The following SP4 variants were observed in gnomAD, a reference collection of about 807,000 sequenced individuals.
SP4 encodes Sp4 transcription factor.
Under a neutral mutation model 72.8 loss-of-function variants are expected in SP4, and 19 were observed. The observed-to-expected ratio is 0.26, with a 90% CI of 0.18 to 0.38. SP4 has a LOEUF of 0.38. SP4 is among the 10% of genes least tolerant of loss of function. The pLI is 1.00. For synonymous variants in SP4, 395 were observed against 333.1 expected, an observed-to-expected ratio of 1.19 and a Z score of -2.02; for missense variants, 1,008 against 926.3, an observed-to-expected ratio of 1.09 and a Z score of -1.14.
chr7:21,458,156 C>G (rs1002136172), intron 3 of SP4, among the ~76,000 whole-genome samples: 1 of 152,062 alleles, frequency 6.6e-6, no homozygotes, highest in Non-Finnish European at 1.5e-5. Context: ...TAAGTCTTTT[C>G]CATCAAGTGC....
intron 5 of SP4, among the ~76,000 whole-genome samples, chr7:21,496,361 T>C (rs1781706172): frequency 6.6e-6 from 1 of 152,252 alleles, no homozygotes; most frequent in Non-Finnish European, 1.5e-5. Context: ...CAGAACAGTT[T>C]TCTGTTAAGC....
In SP4 at chr7:21,428,179, T is replaced by TCCCCCCCCCCCCCCCCCCCCC; in HGVS notation, c.-70_-69insCCCCCCCCCCCCCCCCCCCCC. Reference sequence around the variant, plus strand: ...GCGGGCGGGCGGGACCGGCCTCTCCTCCCGCCTCGCCCCCACCCCCACCCA... The same window carrying TCCCCCCCCCCCCCCCCCCCCC: ...GCGGGCGGGCGGGACCGGCCTCTCCTCCCCCCCCCCCCCCCCCCCCCCCCGCCTCGCCCCCACCCCCACCCA... On this transcript the variant is annotated 5_prime_UTR_variant, in exon 1 of 6. Coordinates refer to ENST00000222584, the MANE Select transcript of SP4 (RefSeq NM_003112.5). The TCCCCCCCCCCCCCCCCCCCCC allele has an allele frequency of 5.0e-6, 3 of 600,794 alleles. No homozygotes were observed. The highest frequency in any genetic ancestry group is 1.9e-5 in the African/African-American group (1 of 52,710). The allele number at this position is 600,794 out of a possible 1,614,324, so 37.2% of individuals were successfully genotyped here.
At position 21,444,999 on chromosome 7, in the gene SP4, A is replaced by G. The variant is rs974845101; in HGVS notation, c.1678+14156A>G. Among the ~76,000 whole-genome samples, 11 of 152,150 alleles carry G rather than the reference A, an allele frequency of 7.2e-5. 1 individual carries two copies. The highest frequency in any genetic ancestry group is 4.6e-4 in the Admixed American group (7 of 15,274). On this transcript the variant is annotated intron_variant, in intron 3 of 5. Transcript: ENST00000222584. ...TTGAGGTACATATGCCACAAAGGGA[A>G]TTAGAAAGAAAGTTTTTATTACTTT...
chr7:21,440,351 G>A (rs780892809), intron 3 of SP4, among the ~76,000 whole-genome samples: 1 of 152,196 alleles, frequency 6.6e-6, no homozygotes, highest in Non-Finnish European at 1.5e-5. Flanking sequence ...GTGGTAACTT[G>A]GTGACATCTC....
chr7:21,440,455 G>C (rs1783205683), intron 3 of SP4, among the ~76,000 whole-genome samples: 1 of 152,178 alleles, frequency 6.6e-6, no homozygotes, highest in Non-Finnish European at 1.5e-5. Context: ...TATGTCAGAG[G>C]TAAACGAGAA....
At chr7:21,461,290 G>T (rs1355974897) in intron 3 of SP4, among the ~76,000 whole-genome samples, 4 of 152,094 alleles carry the variant, frequency 2.6e-5, no homozygotes, top group African/African-American at 9.7e-5. Context: ...GGAGCCCACG[G>T]GGGTTGGGGG....
intron 5 of SP4, among the ~76,000 whole-genome samples, chr7:21,500,641 T>A (rs1043599492): frequency 6.6e-6 from 1 of 152,134 alleles, no homozygotes; most frequent in African/African-American, 2.4e-5. Context: ...CCTCCAGTGT[T>A]TACACTTGGA....
chr7:21,460,237 G>A (rs1215426977), intron 3 of SP4, among the ~76,000 whole-genome samples: 2 of 152,186 alleles, frequency 1.3e-5, no homozygotes, highest in African/African-American at 4.8e-5. Context: ...CTTAAAGGCG[G>A]CATGTCCAGA....
At chr7:21,441,105 TGA>T (rs1783231945) in intron 3 of SP4, among the ~76,000 whole-genome samples, 1 of 152,170 alleles carries the variant, frequency 6.6e-6, no homozygotes, top group Non-Finnish European at 1.5e-5. Context: ...AAAACAAGTG[TGA>T]GAGCTCAGAA....
chr7:21,486,753 CTCTT>C (rs1481926440), intron 5 of SP4, among the ~76,000 whole-genome samples: 1 of 152,156 alleles, frequency 6.6e-6, no homozygotes, highest in African/African-American at 2.4e-5. Flanking sequence ...TACAGTTTCT[CTCTT>C]TCCATATTGT....
intron 5 of SP4, among the ~76,000 whole-genome samples, chr7:21,509,160 G>A (rs1276196396): frequency 6.6e-6 from 1 of 151,796 alleles, no homozygotes; most frequent in East Asian, 1.9e-4. Context: ...TTCTTATCTT[G>A]TTCCTGATGT....
chr7:21,448,408 A>G (rs913368138), intron 3 of SP4, among the ~76,000 whole-genome samples: 9 of 152,318 alleles, frequency 5.9e-5, no homozygotes, highest in African/African-American at 1.9e-4. Flanking sequence ...TGAGCAGTCA[A>G]TCCTCAGTGG....
At chr7:21,431,949 T>C (rs1782870238) in intron 3 of SP4, among the ~76,000 whole-genome samples, 2 of 152,316 alleles carry the variant, frequency 1.3e-5, no homozygotes, top group African/African-American at 2.4e-5. Context: ...ATATGTAAAA[T>C]TGTAAATTGC....
chr7:21,469,275 C>T (rs1784257512), intron 3 of SP4, among the ~76,000 whole-genome samples: 1 of 152,028 alleles, frequency 6.6e-6, no homozygotes, highest in African/African-American at 2.4e-5. Flanking sequence ...GTTGTATCAG[C>T]ATCAAAATAC....
intron 3 of SP4, among the ~76,000 whole-genome samples, chr7:21,462,646 A>G (rs2128402840): frequency 6.6e-6 from 1 of 152,358 alleles, no homozygotes; most frequent in East Asian, 1.9e-4. Context: ...GAGATGGTGT[A>G]GAAATTATGG....
intron 3 of SP4, among the ~76,000 whole-genome samples, chr7:21,445,983 T>C (rs1464803911): frequency 1.0e-5 from 1 of 95,880 alleles, no homozygotes; most frequent in Non-Finnish European, 1.9e-5. Context: ...GTGTATCTTA[T>C]GTGTATGTGT....
intron 3 of SP4, among the ~76,000 whole-genome samples, chr7:21,456,264 A>C (rs561789876): frequency 5.9e-5 from 9 of 152,202 alleles, no homozygotes; most frequent in African/African-American, 2.2e-4. Context: ...AGGGCCTCAG[A>C]GTGAAGCCCT....
In SP4 at chr7:21,511,102, C is replaced by G. The variant is rs148943253; in HGVS notation, c.2188C>G (p.Gln730Glu). ...TCTCTCCAAACATGTCAAAACGCAC[C>G]AGAATAAAAAAGGTGGTGGGACAGC... Reference protein sequence around the residue: ...DHLSKHVKTHQNKKGGGTALA... With the variant: ...DHLSKHVKTHENKKGGGTALA... Residue 730 changes from glutamine (Q) to glutamate (E), a missense_variant, in exon 6 of 6, where the codon CAG becomes GAG. Physicochemically the swap from Gln to Glu is conservative, Grantham distance 29. Transcript: ENST00000222584. 2 of 1,613,992 alleles carry G rather than the reference C, an allele frequency of 1.2e-6. No individual in the cohort carries two copies. The highest frequency in any genetic ancestry group is 1.7e-6 in the Non-Finnish European group (2 of 1,179,952).
chr7:21,456,813 T>G (rs529292749), intron 3 of SP4, among the ~76,000 whole-genome samples: 1 of 152,298 alleles, frequency 6.6e-6, no homozygotes, highest in South Asian at 2.1e-4. Context: ...TTCCTCTGCT[T>G]TTTCAAATAA....
Sources: allele counts gnomAD v4.1 joint callset (sites outside exome capture counted in the v4.1 genomes callset), GRCh38; gene constraint gnomAD v4.1.1; transcripts MANE v1.5; gene names NCBI Gene and HGNC (gene_info 2026-07-23, HGNC 2026-07-21).